The following MARK4 variants were observed in gnomAD, a reference collection of about 807,000 sequenced individuals.
MARK4 encodes the protein microtubule affinity regulating kinase 4.
MARK4 carries 19 observed loss-of-function variants against 81.5 expected under a neutral mutation model. The observed-to-expected ratio is 0.23, with a 90% confidence interval of 0.16 to 0.34. The LOEUF is 0.34. Ranked by LOEUF, MARK4 falls within the 10% of genes least tolerant of loss-of-function variation. MARK4 has a pLI of 1.00. For missense variants in MARK4, 772 were observed against 1,058.8 expected (o/e 0.73, Z 3.76); for synonymous variants, 436 against 439.0 (o/e 0.99, Z 0.08).
chr19:45,289,111 C>T (rs1332526965), intron 13 of MARK4, among the ~76,000 whole-genome samples: 1 of 152,058 alleles, frequency 6.6e-6, no homozygotes, highest in Non-Finnish European at 1.5e-5. Flanking sequence ...GGTCACCTGC[C>T]AGGCGCGGTG....
At chr19:45,265,156 G>T (rs1205648165) in intron 6 of MARK4, among the ~76,000 whole-genome samples, 1 of 152,192 alleles carries the variant, frequency 6.6e-6, no homozygotes, top group Admixed American at 6.5e-5. Context: ...GCCCCGGTGG[G>T]CAGGTGTTGC....
At chr19:45,266,158 A>G in intron 6 of MARK4, 67 bp from the exon 7 acceptor site, 1 of 1,527,754 alleles carries the variant, frequency 6.5e-7, no homozygotes, top group Non-Finnish European at 9.1e-7. Flanking sequence ...GAGTGGTTTC[A>G]CAGTCCACTG....
chr19:45,294,513 C>G, intron 14 of MARK4, 61 bp downstream of exon 14: 3 of 1,411,194 alleles, frequency 2.1e-6, no homozygotes, highest in Non-Finnish European at 3.0e-6. Context: ...AACAGGACCT[C>G]CCTTGATCTG....
At chr19:45,295,610 A>G (rs1353855636) in intron 14 of MARK4, among the ~76,000 whole-genome samples, 1 of 152,150 alleles carries the variant, frequency 6.6e-6, no homozygotes, top group Non-Finnish European at 1.5e-5. Flanking sequence ...CCCTGTCTCT[A>G]CTAAAAATAC....
At chr19:45,280,773 C>A (rs1292193290) in intron 12 of MARK4, 39 bp downstream of exon 12, 2 of 1,607,726 alleles carry the variant, frequency 1.2e-6, no homozygotes, top group Non-Finnish European at 1.7e-6. Context: ...CCCTCCTTCT[C>A]CCCAAGGCCC....
intron 9 of MARK4, 109 bp from the exon 10 acceptor site, chr19:45,278,407 C>G: frequency 1.0e-6 from 1 of 981,888 alleles, no homozygotes; most frequent in Non-Finnish European, 1.6e-6. Flanking sequence ...TTAGGAAGCC[C>G]GCAATTCTGG....
At chr19:45,300,066 C>T (rs974213050) in intron 16 of MARK4, among the ~76,000 whole-genome samples, 1 of 152,218 alleles carries the variant, frequency 6.6e-6, no homozygotes, top group East Asian at 1.9e-4. Flanking sequence ...CTTCAGCCTC[C>T]GGCTGGGTGC....
rs145231035 is a variant in MARK4 at position 45,293,777 on chromosome 19, T to C, written c.1495-572T>C. Reference sequence around the variant, plus strand: ...ATGGGGACATATATGAGAACAGACATTGACAGCACAGTGATTGAAGCTGCA... The same window carrying C: ...ATGGGGACATATATGAGAACAGACACTGACAGCACAGTGATTGAAGCTGCA... On this transcript the variant is annotated intron_variant, in intron 13 of 16. Coordinates refer to ENST00000262891, the MANE Select transcript of MARK4 (RefSeq NM_001199867.2). 6.6e-3 allele frequency among the ~76,000 whole-genome samples: 1,001 copies of C among 152,272 alleles called. 18 individuals are homozygous for C. Among genetic ancestry groups the C allele is most frequent in the African/African-American group, 0.023 (942 of 41,524 alleles).
At chr19:45,281,535 A>G (rs1233099997) in intron 12 of MARK4, among the ~76,000 whole-genome samples, 1 of 150,738 alleles carries the variant, frequency 6.6e-6, no homozygotes, top group Non-Finnish European at 1.5e-5. Flanking sequence ...TAATTTTTGT[A>G]TTTTTAGTAG....
At position 45,255,630 on chromosome 19, in the gene MARK4, T is replaced by C. The variant is rs935919936; in HGVS notation, c.52-3359T>C. Among the ~76,000 whole-genome samples, 3 of 151,938 alleles carry C rather than the reference T, an allele frequency of 2.0e-5. No homozygotes were observed. The East Asian group carries it at 5.8e-4, about 29-fold the overall frequency. The stretch of plus-strand genomic sequence containing the variant: ...TTCAGATCGTGGGTCCGGGTCTCAC[T>C]TTCCCCACCTGTAAAATGGAGATAA... On this transcript the variant is annotated intron_variant, in intron 1 of 16. Transcript: ENST00000262891.
In MARK4 at chr19:45,280,585, A is replaced by T. The variant is rs776846141; in HGVS notation, c.1127A>T (p.Asp376Val). The T allele has an allele frequency of 7.5e-6, 12 of 1,610,648 alleles. No individual in the cohort carries two copies. Among genetic ancestry groups the T allele is most frequent in the Non-Finnish European group, 1.0e-5 (12 of 1,178,540 alleles). The change falls in exon 12 of 17, where the codon GAC becomes GTC. Residue 376 changes from aspartate (D) to valine (V), a missense_variant. Around this residue, in one of 3 missense-constraint regions of MARK4, gnomAD observed 548 missense variants for 624.3 expected, o/e 0.88. Transcript: ENST00000262891. ...GTCATCCTCTCGCAGGAGGGTGGGG[A>T]CCGGGGCGCCCCAGGGCTGGCCCTG... ...LLGRKTEEGG[D>V]RGAPGLALAR...
intron 14 of MARK4, among the ~76,000 whole-genome samples, chr19:45,296,185 A>G (rs1475750817): frequency 1.3e-5 from 2 of 152,228 alleles, no homozygotes; most frequent in Admixed American, 6.5e-5. Context: ...CTCAAGAGAT[A>G]GTGGAACAGT....
intron 7 of MARK4, among the ~76,000 whole-genome samples, chr19:45,268,597 AG>A (rs1970485824): frequency 6.6e-6 from 1 of 151,280 alleles, no homozygotes; most frequent in Non-Finnish European, 1.5e-5. Context: ...AAAAAAAAAA[AG>A]AAAAAAAATT....
chr19:45,259,752 G>A (rs1406118405), intron 2 of MARK4, among the ~76,000 whole-genome samples: 1 of 152,026 alleles, frequency 6.6e-6, no homozygotes, highest in Non-Finnish European at 1.5e-5. Flanking sequence ...TCCAGCCTGG[G>A]TAACAGAGTG....
chr19:45,268,982 C>T (rs35429366), intron 7 of MARK4, among the ~76,000 whole-genome samples: 35,055 of 151,932 alleles, frequency 0.23, 4,808 homozygotes, highest in Non-Finnish European at 0.32. Context: ...GCAGCTAACA[C>T]GAGTTTTGGG....
intron 12 of MARK4, among the ~76,000 whole-genome samples, chr19:45,283,345 G>A (rs1016987862): frequency 5.4e-5 from 8 of 148,504 alleles, no homozygotes; most frequent in African/African-American, 2.0e-4. Flanking sequence ...GGAGGCGGAG[G>A]TTGCAGTAAG....
Position 45,302,663 on chromosome 19 carries a change from G to C in MARK4, c.2212G>C (p.Ala738Pro). Residue 738 changes from alanine (A) to proline (P), a missense_variant, in exon 17 of 17, where the codon GCC becomes CCC. Around this residue, in one of 3 missense-constraint regions of MARK4, gnomAD observed 548 missense variants for 624.3 expected, o/e 0.88. Coordinates refer to ENST00000262891, the MANE Select transcript of MARK4 (RefSeq NM_001199867.2). The surrounding 1 kb of genome is among the most constrained non-coding windows in gnomAD (Gnocchi z 4.9). ...CCGCCGTGTGGCGGGCACCGCCCTG[G>C]CCTTCCGCACCCTCGTCACCCGCAT... ...LFRRVAGTAL[A>P]FRTLVTRISN... 2 of 1,537,924 alleles carry C rather than the reference G, an allele frequency of 1.3e-6. No homozygotes were observed. The highest frequency in any genetic ancestry group is 1.7e-6 in the Non-Finnish European group (2 of 1,147,664).
intron 14 of MARK4, among the ~76,000 whole-genome samples, chr19:45,295,177 G>A (rs543515095): frequency 5.3e-5 from 8 of 150,526 alleles, no homozygotes; most frequent in Middle Eastern, 3.4e-3. Flanking sequence ...GTGACACCCC[G>A]TCTCTACTAA....
At chr19:45,263,517 G>A (rs1424827734) in intron 4 of MARK4, 150 bp downstream of exon 4, 3 of 898,304 alleles carry the variant, frequency 3.3e-6, no homozygotes, top group East Asian at 5.4e-5. Flanking sequence ...CGAGGCGGGT[G>A]GATCACTTGA....
Sources: allele counts gnomAD v4.1 joint callset (sites outside exome capture counted in the v4.1 genomes callset), GRCh38; gene constraint gnomAD v4.1.1; regional missense constraint gnomAD v4.1.1; non-coding constraint Gnocchi (gnomAD v3.1); transcripts MANE v1.5; gene names NCBI Gene and HGNC (gene_info 2026-07-23, HGNC 2026-07-21).